Variants in PDE4D observed in about 807,000 individuals in gnomAD.
PDE4D encodes phosphodiesterase 4D, also known as 3',5'-cyclic-AMP phosphodiesterase 4D.
PDE4D carries 24 observed loss-of-function variants against 87.4 expected under a neutral mutation model. The observed-to-expected ratio is 0.27, with a 90% CI of 0.20 to 0.39. The LOEUF is 0.39. Ranked by LOEUF, PDE4D falls within the 10% of genes least tolerant of loss-of-function variation. PDE4D has a pLI of 1.00. For synonymous variants in PDE4D, 384 were observed against 383.2 expected, an observed-to-expected ratio of 1.00 and a Z score of -0.02; for missense variants, 714 against 1,041.0, an observed-to-expected ratio of 0.69 and a Z score of 4.32.
intron 1 of PDE4D, among the ~76,000 whole-genome samples, chr5:60,239,199 T>G (rs545127390): frequency 5.3e-5 from 8 of 152,256 alleles, no homozygotes; most frequent in African/African-American, 1.9e-4. Flanking sequence ...ATGTGAATAA[T>G]TATATCTCCT....
chr5:59,544,712 G>C (rs904864582), intron 1 of PDE4D, among the ~76,000 whole-genome samples: 1 of 152,162 alleles, frequency 6.6e-6, no homozygotes, highest in Admixed American at 6.6e-5. Context: ...GGGAGAAGGG[G>C]AGAAGCGAGC....
At chr5:60,337,388 T>TATATATACACACAC (rs66871903) in intron 1 of PDE4D, among the ~76,000 whole-genome samples, 20 of 89,462 alleles carry the variant, frequency 2.2e-4, no homozygotes, top group East Asian at 7.6e-4. Flanking sequence ...TATATATATA[T>TATATATACACACAC]ACACACACAC....
At position 60,425,563 on chromosome 5, in the gene PDE4D, A is replaced by C. The variant is rs909950331; in HGVS notation, c.-90+62379T>G. On this transcript the variant is annotated intron_variant, in intron 1 of 16. Coordinates refer to the PDE4D transcript ENST00000502484. ...TGGATTAAAGACTTAAATGTTAGAC[A>C]TAAAACCATAAAAACCCTAGAAGAA... 2.8e-3 allele frequency among the ~76,000 whole-genome samples: 385 copies of C among 137,712 alleles called. 3 individuals are homozygous for C. The highest frequency in any genetic ancestry group is 0.011 in the African/African-American group (372 of 33,654). 90.3% of individuals were successfully genotyped at this position (137,712 alleles called of 152,430 possible).
At chr5:60,269,002 T>C (rs978770782) in intron 1 of PDE4D, among the ~76,000 whole-genome samples, 6 of 152,198 alleles carry the variant, frequency 3.9e-5, no homozygotes, top group African/African-American at 9.6e-5. Context: ...CTAACATTCA[T>C]ATATACATAA....
intron 1 of PDE4D, among the ~76,000 whole-genome samples, chr5:60,327,891 G>A (rs1342233907): frequency 6.6e-6 from 1 of 152,084 alleles, no homozygotes; most frequent in African/African-American, 2.4e-5. Flanking sequence ...TCATCACACT[G>A]AGCAAATGAT....
chr5:60,006,039 T>C (rs1228933215), intron 2 of PDE4D, among the ~76,000 whole-genome samples: 1 of 151,998 alleles, frequency 6.6e-6, no homozygotes, highest in Non-Finnish European at 1.5e-5. Context: ...TACAAGCATC[T>C]TAATGTTATT....
In PDE4D at chr5:59,260,751, T is replaced by C. The variant is rs563218031; in HGVS notation, c.456-44783A>G. On this transcript the variant is annotated intron_variant, in intron 1 of 14. Transcript: ENST00000340635. Reference sequence around the variant, plus strand: ...ACAAAGCTTCAAAAAAGCTAATTACTTAAGGAGGGATGACCAAGCATATAA... The same window carrying C: ...ACAAAGCTTCAAAAAAGCTAATTACCTAAGGAGGGATGACCAAGCATATAA... Among the ~76,000 whole-genome samples the C allele has an allele frequency of 7.3e-5, 11 of 151,642 alleles. 1 individual carries two copies. In the South Asian group the frequency reaches 8.3e-4, roughly 11 times the overall value.
chr5:60,110,623 A>G (rs1156376757), intron 2 of PDE4D, among the ~76,000 whole-genome samples: 1 of 152,084 alleles, frequency 6.6e-6, no homozygotes, highest in African/African-American at 2.4e-5. Context: ...AATAGAACTA[A>G]CATATGATGT....
At chr5:60,030,246 C>G (rs1056167557) in intron 2 of PDE4D, among the ~76,000 whole-genome samples, 1 of 151,720 alleles carries the variant, frequency 6.6e-6, no homozygotes, top group African/African-American at 2.4e-5. Flanking sequence ...GTCAGGAGAT[C>G]GAGACCATCC....
chr5:59,600,320 A>G (rs1229312014), intron 1 of PDE4D, among the ~76,000 whole-genome samples: 1 of 152,182 alleles, frequency 6.6e-6, no homozygotes, highest in Non-Finnish European at 1.5e-5. Flanking sequence ...TTGCTCAGGC[A>G]TGAAAGGGTG....
chr5:59,202,805 TC>T (rs1210104899), intron 2 of PDE4D, among the ~76,000 whole-genome samples: 2 of 152,156 alleles, frequency 1.3e-5, no homozygotes, highest in Non-Finnish European at 2.9e-5. Flanking sequence ...TTGTGAGGCC[TC>T]CCCAGCCACG....
chr5:58,983,609 C>T (rs143398361), intron 11 of PDE4D, among the ~76,000 whole-genome samples: 105 of 152,126 alleles, frequency 6.9e-4, no homozygotes, highest in African/African-American at 2.3e-3. Context: ...CAGGGTCTTG[C>T]TCCAGAGTCT....
chr5:59,768,894 G>A (rs1011709557), intron 1 of PDE4D, among the ~76,000 whole-genome samples: 2 of 152,156 alleles, frequency 1.3e-5, no homozygotes, highest in African/African-American at 4.8e-5. Context: ...AAAAGTCCTG[G>A]GGGGAGGGCT....
chr5:60,153,308 A>G (rs1200074450), intron 2 of PDE4D, among the ~76,000 whole-genome samples: 1 of 152,244 alleles, frequency 6.6e-6, no homozygotes, highest in Non-Finnish European at 1.5e-5. Context: ...GGAAATGCAA[A>G]TCAAAACCAC....
At chr5:59,024,026 C>T (rs576518494) in intron 6 of PDE4D, among the ~76,000 whole-genome samples, 2 of 151,124 alleles carry the variant, frequency 1.3e-5, no homozygotes, top group Non-Finnish European at 2.9e-5. Flanking sequence ...CTCAGCCTCC[C>T]GAGTAGCTGA....
chr5:60,185,040 C>A (rs1053519474), intron 2 of PDE4D, among the ~76,000 whole-genome samples: 3 of 151,894 alleles, frequency 2.0e-5, no homozygotes, highest in African/African-American at 7.3e-5. Flanking sequence ...TAAGGTTTAA[C>A]CTTCAGTAGA....
intron 2 of PDE4D, among the ~76,000 whole-genome samples, chr5:60,116,302 G>A (rs1239261345): frequency 6.6e-6 from 1 of 152,122 alleles, no homozygotes; most frequent in East Asian, 1.9e-4. Context: ...ACAAAAGGTT[G>A]AGACCCAGAG....
chr5:59,629,351 G>A (rs1831284086), intron 1 of PDE4D, among the ~76,000 whole-genome samples: 1 of 152,130 alleles, frequency 6.6e-6, no homozygotes, highest in Non-Finnish European at 1.5e-5. Flanking sequence ...GGAGTAAGAT[G>A]CACCCTACTT....
At chr5:59,279,366 G>T (rs960017553) in intron 1 of PDE4D, among the ~76,000 whole-genome samples, 5 of 152,112 alleles carry the variant, frequency 3.3e-5, no homozygotes, top group South Asian at 2.1e-4. Context: ...GAAATATTGT[G>T]TTATTTTCCT....
Sources: allele counts gnomAD v4.1 joint callset (sites outside exome capture counted in the v4.1 genomes callset), GRCh38; gene constraint gnomAD v4.1.1; transcripts MANE v1.5; gene names NCBI Gene and HGNC (gene_info 2026-07-23, HGNC 2026-07-21).